Variants in TRAPPC2L observed in about 807,000 individuals in gnomAD.
TRAPPC2L encodes the protein trafficking protein particle complex subunit 2-like protein.
TRAPPC2L carries 17 observed loss-of-function variants against 13.2 expected under a neutral mutation model. That is an observed-to-expected ratio of 1.29 (90% CI 0.88 to 1.93). The LOEUF is 1.93. Among genes scored for constraint, TRAPPC2L ranks in the 30% most tolerant of loss-of-function variants. The pLI is 0.00. For synonymous variants in TRAPPC2L, 150 were observed against 98.1 expected (o/e 1.53, Z -3.12); for missense variants, 359 against 252.1 (o/e 1.42, Z -2.87).
upstream of TRAPPC2L, chr16:88,856,758 G>C: frequency 1.4e-6 from 2 of 1,452,940 alleles, no homozygotes; most frequent in Non-Finnish European, 1.8e-6. Flanking sequence ...CCGCACTCAC[G>C]TCGTCCATGA....
At chr16:88,857,483 C>T (rs910201301) in intron 1 of TRAPPC2L, 6 of 403,608 alleles carry the variant, frequency 1.5e-5, no homozygotes, top group African/African-American at 8.3e-5. Flanking sequence ...GTCCTCCGTC[C>T]TCAGCAGGTT....
At chr16:88,857,455 G>T (rs1292644400) in intron 1 of TRAPPC2L, 4 of 435,264 alleles carry the variant, frequency 9.2e-6, no homozygotes, top group Admixed American at 4.5e-5. Context: ...AACCTAGGTG[G>T]TCCCGGGCAC....
At chr16:88,861,330 C>G (rs951815690) in exon 4 of TRAPPC2L, 4 of 367,208 alleles carry the variant, frequency 1.1e-5, no homozygotes, top group African/African-American at 8.4e-5. Flanking sequence ...AACAGGTGGG[C>G]TGGTCTGGAG....
chr16:88,856,280 C>T (rs560849746), upstream of TRAPPC2L: 14 of 703,024 alleles, frequency 2.0e-5, no homozygotes, highest in African/African-American at 2.4e-4. Context: ...GACCCGGCGG[C>T]CCGAGGTGGC....
At chr16:88,861,108 GA>G in exon 4 of TRAPPC2L, 1 of 735,318 alleles carries the variant, frequency 1.4e-6, no homozygotes, top group South Asian at 1.7e-5. Context: ...GGTCTTGTGA[GA>G]GGAGATTTGG....
At position 88,860,735 on chromosome 16, in the gene TRAPPC2L, G is replaced by A. The variant is rs1968323178; in HGVS notation, c.*411G>A. 4.2e-5 allele frequency: 28 copies of A among 673,396 alleles called. No individual in the cohort carries two copies. The South Asian group carries it at 5.0e-4, about 12-fold the overall frequency. The allele number at this position is 673,396 out of a possible 1,614,324, so 41.7% of individuals were successfully genotyped here. ...CACAGGGAACTTGGAGGCAGCAGATGGGTTCTCAGTGCCCGGTGGGGTGGG... is the reference window on the plus strand; with the variant it reads ...CACAGGGAACTTGGAGGCAGCAGATAGGTTCTCAGTGCCCGGTGGGGTGGG... On this transcript the variant is annotated 3_prime_UTR_variant, in exon 4 of 4. Transcript: ENST00000565504.
At chr16:88,859,993 C>G (rs1567557452) in exon 4 of TRAPPC2L, 10 of 1,610,144 alleles carry the variant, frequency 6.2e-6, no homozygotes, top group Non-Finnish European at 8.5e-6. Flanking sequence ...CTTTCTGTGT[C>G]TTGCCACCTT....
intron 1 of TRAPPC2L, among the ~76,000 whole-genome samples, chr16:88,857,669 T>C (rs1008768128): frequency 2.6e-5 from 4 of 152,238 alleles, no homozygotes; most frequent in African/African-American, 9.6e-5. Flanking sequence ...TCTGGGATCC[T>C]TTCCCCCCAT....
At chr16:88,858,654 G>A (rs771766153) in exon 2 of TRAPPC2L, 5 of 1,613,442 alleles carry the variant, frequency 3.1e-6, no homozygotes, top group South Asian at 1.1e-5. Flanking sequence ...CCCCTACGGA[G>A]AACGAGCTGA....
chr16:88,859,866 G>A (rs761219633), intron 3 of TRAPPC2L, 27 bp from the exon 4 acceptor site: 1 of 1,579,058 alleles, frequency 6.3e-7, no homozygotes, highest in Non-Finnish European at 8.6e-7. Flanking sequence ...TATGTGGCAA[G>A]GTCATGGTTT....
chr16:88,860,444 C>T (rs1438740968), exon 4 of TRAPPC2L: 1 of 604,968 alleles, frequency 1.7e-6, no homozygotes, highest in African/African-American at 1.9e-5. Context: ...TCCATGCCCA[C>T]ATTCCAGACT....
At chr16:88,860,083 G>T (rs1968282498) in exon 4 of TRAPPC2L, 1 of 1,054,870 alleles carries the variant, frequency 9.5e-7, no homozygotes, top group African/African-American at 2.0e-5. Context: ...ATCTTTTTAA[G>T]CTATGAGCAC....
rs369658283 is a variant in TRAPPC2L, at chr16:88,858,604, C to T, written c.34-15C>T. 14 of 1,610,694 alleles carry T rather than the reference C, an allele frequency of 8.7e-6. No individual in the cohort carries two copies. The highest frequency in any genetic ancestry group is 1.6e-4 in the Middle Eastern group (1 of 6,070). On this transcript the variant is annotated splice_polypyrimidine_tract_variant and intron_variant, in intron 1 of 3. Coordinates refer to ENST00000565504, the Ensembl canonical transcript of TRAPPC2L. ...GGAGTCTTGTCCTTTCAGTCGCCGT[C>T]ATCCTTTCTTGCAGAATTACCCCCT...
exon 4 of TRAPPC2L, chr16:88,860,753 G>T: frequency 1.3e-6 from 1 of 743,016 alleles, no homozygotes; most frequent in Non-Finnish European, 2.3e-6. Context: ...AGTGCCCGGT[G>T]GGGTGGGACT....
At chr16:88,860,140 C>T (rs763509938) in exon 4 of TRAPPC2L, 29 of 723,754 alleles carry the variant, frequency 4.0e-5, no homozygotes, top group Non-Finnish European at 6.5e-5. Flanking sequence ...CCCGTTTCTC[C>T]ACACCAACTC....
chr16:88,860,526 C>G (rs34061187), exon 4 of TRAPPC2L: 2 of 595,092 alleles, frequency 3.4e-6, no homozygotes, highest in Non-Finnish European at 6.0e-6. Flanking sequence ...CTGCAGTGAT[C>G]CAAGGCAGGC....
At chr16:88,858,647 C>T (rs749269952) in exon 2 of TRAPPC2L, 4 of 1,613,314 alleles carry the variant, frequency 2.5e-6, no homozygotes, top group South Asian at 1.1e-5. Context: ...CGCAGCACCC[C>T]TACGGAGAAC....
exon 4 of TRAPPC2L, chr16:88,860,683 A>T: frequency 1.6e-6 from 1 of 608,394 alleles, no homozygotes; most frequent in South Asian, 1.9e-5. Flanking sequence ...TCCCTCCTCC[A>T]CCCCTTCCTG....
intron 1 of TRAPPC2L, 152 bp downstream of exon 1, chr16:88,857,335 A>T: frequency 1.5e-6 from 1 of 685,558 alleles, no homozygotes; most frequent in Non-Finnish European, 2.3e-6. Flanking sequence ...TTCGCGGTGG[A>T]CGAGCCGCCA....
Sources: gnomAD v4.1 joint callset for allele counts (sites outside exome capture counted in the v4.1 genomes callset) on GRCh38, gnomAD v4.1.1 for gene constraint, MANE v1.5 for transcripts, NCBI Gene and HGNC (gene_info 2026-07-23, HGNC 2026-07-21) for gene names.